The following EBF2 variants were observed in gnomAD, a reference collection of about 807,000 sequenced individuals.
EBF2 encodes the protein transcription factor COE2.
In EBF2, 21 loss-of-function variants were observed where a neutral mutation model predicts 72.8. That is an observed-to-expected ratio of 0.29 (90% CI 0.20 to 0.42). EBF2 has a LOEUF of 0.42. Ranked by LOEUF, EBF2 falls within the 10% of genes least tolerant of loss-of-function variation. EBF2 has a pLI of 1.00. For missense variants in EBF2, 637 were observed against 731.2 expected, an observed-to-expected ratio of 0.87 and a Z score of 1.49; for synonymous variants, 299 against 274.2, an observed-to-expected ratio of 1.09 and a Z score of -0.89.
chr8:25,914,512 A>C (rs1803179287), intron 6 of EBF2, among the ~76,000 whole-genome samples: 1 of 152,176 alleles, frequency 6.6e-6, no homozygotes, highest in Admixed American at 6.5e-5. Flanking sequence ...GACTCTGACT[A>C]AAGTCCACAA....
chr8:25,984,778 G>A (rs1402981037), intron 6 of EBF2, among the ~76,000 whole-genome samples: 3 of 151,976 alleles, frequency 2.0e-5, no homozygotes, highest in African/African-American at 7.3e-5. Flanking sequence ...TACATTTTGG[G>A]AACAGCCCAA....
intron 6 of EBF2, among the ~76,000 whole-genome samples, chr8:25,933,660 T>C (rs1803520157): frequency 6.6e-6 from 1 of 152,166 alleles, no homozygotes; most frequent in African/African-American, 2.4e-5. Context: ...TTATAATAAA[T>C]ACGATGGTGG....
In EBF2 at chr8:25,887,845, G is replaced by C; in HGVS notation, c.879C>G (p.Ser293Arg). The C allele has an allele frequency of 6.3e-7, 1 of 1,599,820 alleles. No homozygotes were observed. The highest frequency in any genetic ancestry group is 8.5e-7 in the Non-Finnish European group (1 of 1,173,936). ...TAAGCCTGTTGCCTCTGCTTACCTC[G>C]CTCCATACAAGCATAGTCCCAAACA... ...QVVFGTMLVW[S>R]ELITPHAIRV... Residue 293 changes from serine (S) to arginine (R), a missense_variant, in exon 9 of 16, where the codon AGC (serine) becomes AGG (arginine). Transcript: ENST00000520164.
chr8:26,003,729 G>T (rs1804779562), intron 6 of EBF2, among the ~76,000 whole-genome samples: 1 of 152,144 alleles, frequency 6.6e-6, no homozygotes, highest in African/African-American at 2.4e-5. Context: ...ATGATCCCTG[G>T]GGAAGAGGTG....
chr8:25,908,735 A>T (rs960115987), intron 6 of EBF2, among the ~76,000 whole-genome samples, 180 bp from the exon 7 acceptor site: 2 of 152,194 alleles, frequency 1.3e-5, no homozygotes, highest in African/African-American at 4.8e-5. Flanking sequence ...GGATGTTTTC[A>T]ATCTCAAGCC....
At chr8:25,887,002 AACTG>A in intron 9 of EBF2, 121 bp from the exon 10 acceptor site, 2 of 1,065,968 alleles carry the variant, frequency 1.9e-6, no homozygotes, top group Non-Finnish European at 2.6e-6. Context: ...GCTCTACTCT[AACTG>A]GAGTACTCCT....
At position 25,876,718 on chromosome 8, in the gene EBF2, G is replaced by T. The variant is rs558242553; in HGVS notation, c.1009+10037C>A. Among the ~76,000 whole-genome samples the T allele has an allele frequency of 3.3e-5, 5 of 152,334 alleles. 1 individual carries two copies. The highest frequency in any genetic ancestry group is 1.2e-4 in the African/African-American group (5 of 41,582). On this transcript the variant is annotated intron_variant, in intron 10 of 15. Transcript: ENST00000520164. ...AGTACTGGGAAGTAGTACAGGTTAG[G>T]TGTTAAGAGCAGAACTTTGGAATAA... is the stretch of plus-strand genomic sequence containing the variant.
chr8:25,956,235 A>G (rs1760660610), intron 6 of EBF2, among the ~76,000 whole-genome samples: 1 of 152,068 alleles, frequency 6.6e-6, no homozygotes. Context: ...CCTGACCAAC[A>G]TGGAGAAACC....
intron 6 of EBF2, among the ~76,000 whole-genome samples, chr8:26,019,058 G>C (rs1805162300): frequency 6.6e-6 from 1 of 152,142 alleles, no homozygotes; most frequent in Non-Finnish European, 1.5e-5. Context: ...CTTTGGAAAG[G>C]AGAGGCTTTT....
At chr8:25,992,892 G>A (rs773050433) in intron 6 of EBF2, among the ~76,000 whole-genome samples, 3 of 111,168 alleles carry the variant, frequency 2.7e-5, no homozygotes, top group African/African-American at 7.5e-5. Context: ...CAAGAATGAG[G>A]CCTTGTCTCA....
At chr8:25,962,954 G>T (rs1405444796) in intron 6 of EBF2, among the ~76,000 whole-genome samples, 3 of 152,174 alleles carry the variant, frequency 2.0e-5, no homozygotes, top group Non-Finnish European at 4.4e-5. Flanking sequence ...GTGGCTGACA[G>T]GAATCACAAC....
At chr8:25,891,569 G>T (rs1219534397) in intron 7 of EBF2, among the ~76,000 whole-genome samples, 2 of 150,314 alleles carry the variant, frequency 1.3e-5, no homozygotes, top group Non-Finnish European at 3.0e-5. Context: ...CAGGGGGCTT[G>T]ATCCTGTCGT....
intron 6 of EBF2, among the ~76,000 whole-genome samples, chr8:25,985,567 T>G (rs1804436133): frequency 6.6e-6 from 1 of 152,214 alleles, no homozygotes; most frequent in Non-Finnish European, 1.5e-5. Context: ...AGTTTCCTCC[T>G]CTGTAAAACA....
chr8:26,030,254 C>T (rs1238841347), intron 6 of EBF2, among the ~76,000 whole-genome samples: 1 of 152,184 alleles, frequency 6.6e-6, no homozygotes, highest in Non-Finnish European at 1.5e-5. Flanking sequence ...CTTCTTGTGT[C>T]CATGTGTTCT....
chr8:25,973,960 G>A (rs1272322959), intron 6 of EBF2, among the ~76,000 whole-genome samples: 2 of 152,146 alleles, frequency 1.3e-5, no homozygotes, highest in African/African-American at 2.4e-5. Context: ...TTACAGGTGT[G>A]AGCCACCACA....
chr8:25,893,367 A>G (rs1585185047), intron 7 of EBF2, among the ~76,000 whole-genome samples: 1 of 145,410 alleles, frequency 6.9e-6, no homozygotes, highest in Admixed American at 7.0e-5. Context: ...GCTTACCACA[A>G]CCTCTGCCTC....
chr8:25,959,331 A>C (rs978950152), intron 6 of EBF2, among the ~76,000 whole-genome samples: 2 of 152,074 alleles, frequency 1.3e-5, no homozygotes, highest in African/African-American at 4.8e-5. Context: ...CAGCCTCCTG[A>C]GTAGCTGGGA....
At chr8:25,985,492 C>T (rs1190280251) in intron 6 of EBF2, among the ~76,000 whole-genome samples, 1 of 152,156 alleles carries the variant, frequency 6.6e-6, no homozygotes, top group African/African-American at 2.4e-5. Flanking sequence ...CAGAAAAAAA[C>T]CCTATAGTGC....
intron 6 of EBF2, among the ~76,000 whole-genome samples, chr8:25,952,410 T>C (rs1013601782): frequency 2.6e-5 from 4 of 152,150 alleles, no homozygotes; most frequent in African/African-American, 9.6e-5. Context: ...TTATATAGTA[T>C]GCATTTTAAA....
Sources: allele counts gnomAD v4.1 joint callset (sites outside exome capture counted in the v4.1 genomes callset), GRCh38; gene constraint gnomAD v4.1.1; transcripts MANE v1.5; gene names NCBI Gene and HGNC (gene_info 2026-07-23, HGNC 2026-07-21).